The following MACROD2 variants were observed in gnomAD, a reference collection of about 807,000 sequenced individuals.
MACROD2 encodes the protein ADP-ribose glycohydrolase MACROD2.
In MACROD2, 36 loss-of-function variants were observed where a neutral mutation model predicts 70.4. The observed-to-expected ratio is 0.51, with a 90% CI of 0.39 to 0.68. The LOEUF is 0.68. Among genes scored for constraint, MACROD2 ranks in the 30% least tolerant of loss-of-function variants. The pLI is 0.00. For missense variants in MACROD2, 496 were observed against 538.4 expected (o/e 0.92, Z 0.78); for synonymous variants, 172 against 178.8 (o/e 0.96, Z 0.30).
intron 5 of MACROD2, among the ~76,000 whole-genome samples, chr20:14,815,501 G>T (rs1389083515): frequency 1.3e-5 from 2 of 152,004 alleles, no homozygotes; most frequent in Non-Finnish European, 2.9e-5. Flanking sequence ...GGGTGTGTGT[G>T]TGTGTGCACG....
chr20:14,699,373 C>T (rs746772206), intron 5 of MACROD2, among the ~76,000 whole-genome samples: 1 of 152,122 alleles, frequency 6.6e-6, no homozygotes, highest in Non-Finnish European at 1.5e-5. Context: ...TGTATTTCCT[C>T]TGTGTTCAAA....
intron 10 of MACROD2, among the ~76,000 whole-genome samples, chr20:15,887,331 T>C (rs1457978747): frequency 6.6e-6 from 1 of 152,184 alleles, no homozygotes; most frequent in East Asian, 1.9e-4. Context: ...TCCTAAGGTT[T>C]CCTTGGACTT....
At chr20:14,996,627 C>T (rs1399926561) in intron 5 of MACROD2, among the ~76,000 whole-genome samples, 1 of 152,118 alleles carries the variant, frequency 6.6e-6, no homozygotes, top group Non-Finnish European at 1.5e-5. Context: ...CAGCCAACAC[C>T]ACCCCTTCCT....
chr20:14,537,621 G>A (rs550678943), intron 4 of MACROD2, among the ~76,000 whole-genome samples: 3 of 152,280 alleles, frequency 2.0e-5, no homozygotes, highest in South Asian at 4.1e-4. Flanking sequence ...CTAAGAGGAC[G>A]TGAAGCAGGG....
intron 4 of MACROD2, among the ~76,000 whole-genome samples, chr20:14,663,358 C>T (rs548153289): frequency 1.3e-5 from 2 of 151,560 alleles, no homozygotes; most frequent in African/African-American, 4.8e-5. Flanking sequence ...GGGAAAGGAT[C>T]AGGAAAAATA....
chr20:15,396,777 G>A (rs541312597), intron 6 of MACROD2, among the ~76,000 whole-genome samples: 4 of 152,252 alleles, frequency 2.6e-5, no homozygotes, highest in South Asian at 2.1e-4. Context: ...TTAGTCTGTG[G>A]AAGACTATAA....
At chr20:14,450,583 A>G (rs2084234314) in intron 3 of MACROD2, among the ~76,000 whole-genome samples, 1 of 152,122 alleles carries the variant, frequency 6.6e-6, no homozygotes. Context: ...TTTGGTATTT[A>G]ATATATAACT....
At chr20:15,176,417 G>A (rs1208046310) in intron 5 of MACROD2, among the ~76,000 whole-genome samples, 1 of 152,202 alleles carries the variant, frequency 6.6e-6, no homozygotes, top group African/African-American at 2.4e-5. Context: ...CCTGCCCATG[G>A]CCACCTATGG....
At chr20:14,657,126 A>G (rs539340183) in intron 4 of MACROD2, among the ~76,000 whole-genome samples, 1 of 152,322 alleles carries the variant, frequency 6.6e-6, no homozygotes, top group Admixed American at 6.5e-5. Context: ...ATGCATTAGT[A>G]TTATGAACTC....
At chr20:14,785,248 T>C (rs1433410545) in intron 5 of MACROD2, among the ~76,000 whole-genome samples, 2 of 151,976 alleles carry the variant, frequency 1.3e-5, no homozygotes, top group African/African-American at 2.4e-5. Flanking sequence ...GGGCTGACTC[T>C]GAACACTGCT....
chr20:13,997,099 T>A (rs1749740744), intron 1 of MACROD2, among the ~76,000 whole-genome samples: 1 of 152,084 alleles, frequency 6.6e-6, no homozygotes, highest in African/African-American at 2.4e-5. Flanking sequence ...TTTTTCAAAT[T>A]TACTGCAGGA....
intron 5 of MACROD2, among the ~76,000 whole-genome samples, chr20:14,833,687 A>G (rs1054011730): frequency 6.6e-6 from 1 of 152,084 alleles, no homozygotes; most frequent in Non-Finnish European, 1.5e-5. Context: ...CAAAACGGTC[A>G]CCTCATTAGT....
chr20:15,491,815 G>T (rs984225872), intron 7 of MACROD2, among the ~76,000 whole-genome samples: 1 of 152,240 alleles, frequency 6.6e-6, no homozygotes, highest in African/African-American at 2.4e-5. Flanking sequence ...CAGGTAAAAG[G>T]TTTAAGTCAA....
At chr20:14,030,129 C>T (rs2018791808) in intron 2 of MACROD2, among the ~76,000 whole-genome samples, 1 of 152,206 alleles carries the variant, frequency 6.6e-6, no homozygotes. Context: ...AACTCCAGGG[C>T]TTAAACCATC....
intron 5 of MACROD2, among the ~76,000 whole-genome samples, chr20:14,879,309 T>C (rs2122458777): frequency 1.3e-5 from 2 of 152,298 alleles, no homozygotes; most frequent in Admixed American, 1.3e-4. Flanking sequence ...TCTGTATACC[T>C]AAATTCTTTG....
intron 8 of MACROD2, among the ~76,000 whole-genome samples, chr20:15,522,204 A>C (rs1331016114): frequency 6.6e-6 from 1 of 152,132 alleles, no homozygotes; most frequent in East Asian, 1.9e-4. Flanking sequence ...CATATTCTGC[A>C]CCCCAGGAGC....
intron 8 of MACROD2, among the ~76,000 whole-genome samples, chr20:15,855,238 T>C (rs528549566): frequency 1.3e-5 from 2 of 152,326 alleles, no homozygotes; most frequent in Non-Finnish European, 2.9e-5. Flanking sequence ...TGTCACCCTC[T>C]TCAGGGCCAG....
intron 15 of MACROD2, among the ~76,000 whole-genome samples, chr20:16,040,704 C>T (rs1027819366): frequency 3.3e-5 from 5 of 151,990 alleles, no homozygotes; most frequent in Admixed American, 1.3e-4. Context: ...CCTAAGGAAA[C>T]AACTAAACCA....
At chr20:14,633,522 T>C (rs1804748933) in intron 4 of MACROD2, among the ~76,000 whole-genome samples, 2 of 152,184 alleles carry the variant, frequency 1.3e-5, no homozygotes, top group Non-Finnish European at 2.9e-5. Flanking sequence ...ACCTGCTATA[T>C]ATTGCCACCT....
Sources: gnomAD v4.1 joint callset for allele counts (sites outside exome capture counted in the v4.1 genomes callset) on GRCh38, gnomAD v4.1.1 for gene constraint, MANE v1.5 for transcripts, NCBI Gene and HGNC (gene_info 2026-07-23, HGNC 2026-07-21) for gene names.